The following LMBRD2 variants were observed in gnomAD, a reference collection of about 807,000 sequenced individuals.
LMBRD2 encodes the protein LMBR1 domain containing 2.
LMBRD2 carries 55 observed loss-of-function variants against 94.4 expected under a neutral mutation model. The ratio of observed to expected loss-of-function variants is 0.58; its 90% CI spans 0.47 to 0.73. LMBRD2 has a LOEUF of 0.73. Ranked by LOEUF, LMBRD2 falls within the 30% of genes least tolerant of loss-of-function variation. LMBRD2 has a pLI of 0.00. For synonymous variants in LMBRD2, 246 were observed against 272.4 expected, an observed-to-expected ratio of 0.90 and a Z score of 0.95; for missense variants, 640 against 831.9, an observed-to-expected ratio of 0.77 and a Z score of 2.84.
rs1440052705 is a variant in LMBRD2 at position 36,143,215 on chromosome 5, G to A, written c.135C>T (p.Cys45=). The A allele has an allele frequency of 3.7e-6, 6 of 1,612,658 alleles. No individual in the cohort carries two copies. In the Admixed American group the frequency reaches 6.7e-5, roughly 18 times the overall value. ...GAGGCAGTATGAAGACAATAAGAAA[G>A]CAGAGATACCAAGCAAGCAGTGTTC... ...IIGTLLAWYL[C]FLIVFILPLD... Residue 45 remains cysteine (C), a synonymous_variant, in exon 2 of 18, where the codon TGC becomes TGT. Coordinates refer to ENST00000296603, the MANE Select transcript of LMBRD2 (RefSeq NM_001007527.2).
At position 36,117,757 on chromosome 5, in the gene LMBRD2, GT is replaced by G. The variant is rs1176901947; in HGVS notation, c.1279del (p.Thr427HisfsTer18). On this transcript the variant is annotated frameshift_variant, in exon 10 of 18. Transcript: ENST00000296603. LOFTEE classifies it high-confidence loss of function. ...GACCTCGATATAAATATAATTATAT[GT>G]TTTTTCTGCCAGCTGTATGAAGACC... ...FAVFIQLAEK[T>X]YNYIYIEIAC... 8.1e-6 allele frequency: 13 copies of G among 1,606,382 alleles called. No individual in the cohort carries two copies. Among genetic ancestry groups the G allele is most frequent in the Non-Finnish European group, 1.1e-5 (13 of 1,177,080 alleles).
intron 16 of LMBRD2, among the ~76,000 whole-genome samples, chr5:36,106,642 T>C (rs1213868381): frequency 6.6e-6 from 1 of 151,818 alleles, no homozygotes; most frequent in African/African-American, 2.4e-5. Context: ...CCTGAGTAGC[T>C]GGGATTACAG....
In LMBRD2 at chr5:36,111,278, T is replaced by A. The variant is rs541451100; in HGVS notation, c.1641-20A>T. 29 of 1,472,988 alleles carry A rather than the reference T, an allele frequency of 2.0e-5. No individual in the cohort carries two copies. Among genetic ancestry groups the A allele is most frequent in the African/African-American group, 8.3e-5 (6 of 71,980 alleles). The allele number at this position is 1,472,988 out of a possible 1,614,324, so 91.2% of individuals were successfully genotyped here. On this transcript the variant is annotated intron_variant, in intron 13 of 17. Transcript: ENST00000296603. ...CCCAAACTAATAAAAGCAGATTTTT[T>A]AAAAAGACAAACATTATTTCACATT... is the stretch of plus-strand genomic sequence containing the variant.
intron 6 of LMBRD2, among the ~76,000 whole-genome samples, chr5:36,135,678 C>G (rs763523902): frequency 2.0e-5 from 3 of 152,118 alleles, no homozygotes; most frequent in Non-Finnish European, 4.4e-5. Context: ...TGTGAGGTGA[C>G]TACAATAATC....
rs189850449 is a variant in LMBRD2, at chr5:36,129,929, C to T, written c.748-5664G>A. 7.5e-3 allele frequency among the ~76,000 whole-genome samples: 1,144 copies of T among 152,170 alleles called. 8 individuals carry two copies. The highest frequency in any genetic ancestry group is 0.025 in the African/African-American group (1,041 of 41,486). On this transcript the variant is annotated intron_variant, in intron 6 of 17. Transcript: ENST00000296603. ...GAAACCATCATTCTCAGCAAACTAT[C>T]GCAAGGACAAAAAAACCAAACACCG...
At chr5:36,112,545 C>G (rs1743636881) in intron 13 of LMBRD2, among the ~76,000 whole-genome samples, 1 of 152,124 alleles carries the variant, frequency 6.6e-6, no homozygotes, top group Non-Finnish European at 1.5e-5. Context: ...GTTTCTATAA[C>G]AGAAGATCTA....
intron 14 of LMBRD2, 54 bp from the exon 15 acceptor site, chr5:36,110,045 A>G: frequency 7.6e-7 from 1 of 1,316,748 alleles, no homozygotes; most frequent in South Asian, 1.2e-5. Flanking sequence ...AATCAGACAT[A>G]GTGCAACTGA....
intron 1 of LMBRD2, among the ~76,000 whole-genome samples, chr5:36,147,480 T>C (rs1744577425): frequency 6.6e-6 from 1 of 152,178 alleles, no homozygotes; most frequent in African/African-American, 2.4e-5. Flanking sequence ...AAATGGCAAT[T>C]CATTAAAACT....
chr5:36,147,950 G>T, intron 1 of LMBRD2: 1 of 352,230 alleles, frequency 2.8e-6, no homozygotes, highest in Non-Finnish European at 5.7e-6. Context: ...TTAAATATCT[G>T]AGTCTGATGA....
intron 4 of LMBRD2, among the ~76,000 whole-genome samples, chr5:36,139,396 A>G (rs1472164365): frequency 6.6e-6 from 1 of 152,204 alleles, no homozygotes; most frequent in Non-Finnish European, 1.5e-5. Context: ...CCTGGGTGCC[A>G]TAAATGACAT....
At chr5:36,141,478 A>G (rs191057498) in intron 3 of LMBRD2, among the ~76,000 whole-genome samples, 1 of 152,312 alleles carries the variant, frequency 6.6e-6, no homozygotes, top group East Asian at 1.9e-4. Context: ...AGAAAACTTA[A>G]TGTTCAACTA....
At chr5:36,114,175 C>T (rs906359499) in intron 13 of LMBRD2, among the ~76,000 whole-genome samples, 1 of 151,964 alleles carries the variant, frequency 6.6e-6, no homozygotes, top group African/African-American at 2.4e-5. Flanking sequence ...ATTTTTTAGC[C>T]TAAATAGAAT....
intron 1 of LMBRD2, among the ~76,000 whole-genome samples, chr5:36,150,503 T>C (rs760798588): frequency 2.0e-5 from 3 of 152,248 alleles, no homozygotes; most frequent in Non-Finnish European, 4.4e-5. Context: ...AAGGAAACTA[T>C]AATTTTTTGT....
At chr5:36,131,017 G>T (rs1156710278) in intron 6 of LMBRD2, among the ~76,000 whole-genome samples, 1 of 151,940 alleles carries the variant, frequency 6.6e-6, no homozygotes, top group Non-Finnish European at 1.5e-5. Flanking sequence ...TCCAAAACCA[G>T]AAACAGACAC....
chr5:36,124,228 T>A lies in LMBRD2; in HGVS notation c.785A>T (p.His262Leu). ...RKVNESIKYN[H>L]PLRKCVDTIL... ...TGTATCAACACATTTTCTCAATGGG[T>A]GATTATACTTGATGCTTTCATTCAC... is the stretch of plus-strand genomic sequence containing the variant. The change falls in exon 7 of 18, where the codon CAC becomes CTC. Residue 262 changes from histidine (H) to leucine (L), a missense_variant. Coordinates refer to ENST00000296603, the MANE Select transcript of LMBRD2 (RefSeq NM_001007527.2). 1 of 1,589,502 alleles carries A rather than the reference T, an allele frequency of 6.3e-7. No homozygotes were observed. Among genetic ancestry groups the A allele is most frequent in the Non-Finnish European group, 8.6e-7 (1 of 1,159,370 alleles).
intron 15 of LMBRD2, among the ~76,000 whole-genome samples, chr5:36,109,306 C>T (rs1014358638): frequency 6.6e-6 from 1 of 151,922 alleles, no homozygotes; most frequent in Non-Finnish European, 1.5e-5. Flanking sequence ...TTTAGAAATT[C>T]CCATAGAGAA....
chr5:36,124,390 A>G, intron 6 of LMBRD2, 125 bp from the exon 7 acceptor site: 2 of 559,950 alleles, frequency 3.6e-6, no homozygotes, highest in East Asian at 3.1e-5. Context: ...ACTTTGCATT[A>G]CATGAATAAA....
At chr5:36,112,646 G>A (rs1743639613) in intron 13 of LMBRD2, among the ~76,000 whole-genome samples, 1 of 151,902 alleles carries the variant, frequency 6.6e-6, no homozygotes, top group South Asian at 2.1e-4. Context: ...ATTAACTCTA[G>A]AAAGACACTT....
At position 36,143,406 on chromosome 5, in the gene LMBRD2, T is replaced by C; in HGVS notation, c.-57A>G. On this transcript the variant is annotated splice_region_variant and 5_prime_UTR_variant, in exon 2 of 18. Transcript: ENST00000296603. ...TATTCATGTACAGGTCTGGACCATA[T>C]CTATAAAGTAAAAAGAAGGTTAAAA... 1 of 1,330,656 alleles carries C rather than the reference T, an allele frequency of 7.5e-7. No homozygotes were observed. The highest frequency in any genetic ancestry group is 1.0e-6 in the Non-Finnish European group (1 of 971,646). The allele number at this position is 1,330,656 out of a possible 1,614,324, so 82.4% of individuals were successfully genotyped here. A position where few individuals can be genotyped will look rare whatever the true frequency, so the allele number is the denominator to read the frequency against.
Sources: gnomAD v4.1 joint callset for allele counts (sites outside exome capture counted in the v4.1 genomes callset) on GRCh38, gnomAD v4.1.1 for gene constraint, MANE v1.5 for transcripts, NCBI Gene and HGNC (gene_info 2026-07-23, HGNC 2026-07-21) for gene names.